The following FOXN3 variants were observed in gnomAD, a reference collection of about 807,000 sequenced individuals.
FOXN3 encodes the protein forkhead box N3, also known as forkhead box protein N3.
In FOXN3, 7 loss-of-function variants were observed where a neutral mutation model predicts 38.4. The ratio of observed to expected loss-of-function variants is 0.18; its 90% CI spans 0.10 to 0.34. FOXN3 has a LOEUF of 0.34. FOXN3 is among the 10% of genes least tolerant of loss of function. The probability of loss-of-function intolerance (pLI) is 1.00; values close to 1 mark genes in which losing one functional copy is unlikely to be tolerated. For synonymous variants in FOXN3, 230 were observed against 242.2 expected (o/e 0.95, Z 0.47); for missense variants, 456 against 613.4 (o/e 0.74, Z 2.71).
At chr14:89,464,080 G>A (rs964652686) in intron 1 of FOXN3, among the ~76,000 whole-genome samples, 7 of 152,024 alleles carry the variant, frequency 4.6e-5, no homozygotes, top group East Asian at 3.8e-4. Flanking sequence ...CACCGCGCCC[G>A]GCCTGGTAGT....
At position 89,523,770 on chromosome 14, in the gene FOXN3, T is replaced by C. The variant is rs552318752; in HGVS notation, c.-15+95258A>G. 9.0e-4 allele frequency among the ~76,000 whole-genome samples: 113 copies of C among 124,978 alleles called. No homozygotes were observed. In the Middle Eastern group the frequency reaches 0.019, roughly 21 times the overall value. 82.0% of individuals were successfully genotyped at this position (124,978 alleles called of 152,430 possible). A position where few individuals can be genotyped will look rare whatever the true frequency, so the allele number is the denominator to read the frequency against. ...TAAATTGAATTTCTTCCTTTCTTTATGTTTTTTTTTGAGACAGAGTCTCGC... is the reference window on the plus strand; with the variant it reads ...TAAATTGAATTTCTTCCTTTCTTTACGTTTTTTTTTGAGACAGAGTCTCGC... On this transcript the variant is annotated intron_variant, in intron 1 of 6. Coordinates refer to the FOXN3 transcript ENST00000345097.
intron 1 of FOXN3, among the ~76,000 whole-genome samples, chr14:89,580,342 G>C (rs17126102): frequency 0.06 from 9,190 of 152,228 alleles, 885 homozygotes; most frequent in African/African-American, 0.21. Flanking sequence ...GGTTTTCCAG[G>C]TACCATGCTG....
In FOXN3 at chr14:89,392,635, G is replaced by A. The variant is rs1204360030; in HGVS notation, c.543+19299C>T. On this transcript the variant is annotated intron_variant, in intron 2 of 5. Transcript: ENST00000557258. ...TCCCCTGCACATGTGTCTGTGTCTC[G>A]TCTTTTTTTTTTTTTTTTTTTTTGA... 1.2e-4 allele frequency among the ~76,000 whole-genome samples: 11 copies of A among 92,150 alleles called. No individual in the cohort carries two copies. The South Asian group carries it at 1.2e-3, about 10-fold the overall frequency. The allele number at this position is 92,150 out of a possible 152,430, so 60.5% of individuals were successfully genotyped here.
At chr14:89,604,733 T>C (rs532874955) in intron 1 of FOXN3, among the ~76,000 whole-genome samples, 3 of 152,300 alleles carry the variant, frequency 2.0e-5, no homozygotes, top group South Asian at 2.1e-4. Flanking sequence ...CTGAACACTT[T>C]ATGATAAAAT....
At chr14:89,297,478 T>G (rs903202640) in intron 3 of FOXN3, among the ~76,000 whole-genome samples, 1 of 148,462 alleles carries the variant, frequency 6.7e-6, no homozygotes. Context: ...GAGAATGGCG[T>G]GAAACTGGGA....
intron 4 of FOXN3, among the ~76,000 whole-genome samples, chr14:89,197,789 C>T (rs1888136192): frequency 6.6e-6 from 1 of 152,188 alleles, no homozygotes; most frequent in Non-Finnish European, 1.5e-5. Context: ...CTGAAGGAAT[C>T]TTTGTAGGAA....
chr14:89,365,821 T>G (rs974296998), intron 2 of FOXN3, among the ~76,000 whole-genome samples: 1 of 152,222 alleles, frequency 6.6e-6, no homozygotes, highest in Non-Finnish European at 1.5e-5. Flanking sequence ...CAATATATTA[T>G]GTGGCATGAA....
At chr14:89,242,116 G>A (rs1416378945) in intron 4 of FOXN3, among the ~76,000 whole-genome samples, 1 of 152,154 alleles carries the variant, frequency 6.6e-6, no homozygotes, top group Non-Finnish European at 1.5e-5. Context: ...ATGCCACAAG[G>A]TGACCACTGA....
chr14:89,603,527 T>C (rs1210709555), intron 1 of FOXN3, among the ~76,000 whole-genome samples: 1 of 152,232 alleles, frequency 6.6e-6, no homozygotes, highest in African/African-American at 2.4e-5. Context: ...TGTACCGTAG[T>C]TGGCCAAAGG....
At chr14:89,215,033 A>G (rs1208471130) in intron 4 of FOXN3, among the ~76,000 whole-genome samples, 1 of 152,214 alleles carries the variant, frequency 6.6e-6, no homozygotes, top group African/African-American at 2.4e-5. Context: ...TTCTATGGAA[A>G]ATATTTTGCA....
chr14:89,372,983 T>A (rs9944024), intron 2 of FOXN3, among the ~76,000 whole-genome samples: 3 of 151,728 alleles, frequency 2.0e-5, no homozygotes, highest in African/African-American at 7.3e-5. Context: ...CTGAGCAACA[T>A]AGGAAAATCC....
chr14:89,455,952 T>C (rs1282337231), intron 1 of FOXN3, among the ~76,000 whole-genome samples: 1 of 152,044 alleles, frequency 6.6e-6, no homozygotes, highest in Non-Finnish European at 1.5e-5. Flanking sequence ...TCCCAGCACT[T>C]TGGGAGGCCA....
chr14:89,560,286 C>A (rs961634384), intron 1 of FOXN3, among the ~76,000 whole-genome samples: 3 of 152,156 alleles, frequency 2.0e-5, no homozygotes, highest in Non-Finnish European at 4.4e-5. Flanking sequence ...TACAGTTCAA[C>A]ATGACATTTG....
chr14:89,183,226 T>C (rs968996093), intron 4 of FOXN3, among the ~76,000 whole-genome samples: 22 of 152,296 alleles, frequency 1.4e-4, no homozygotes, highest in African/African-American at 5.1e-4. Flanking sequence ...ACAGGTTCAG[T>C]TGAATTCTGA....
rs938652930 is a variant in FOXN3 at position 89,161,211 on chromosome 14, A to G, written c.*1203T>C. 1.3e-5 allele frequency: 2 copies of G among 152,514 alleles called. No individual in the cohort carries two copies. The highest frequency in any genetic ancestry group is 4.8e-5 in the African/African-American group (2 of 41,430). The allele number at this position is 152,514 out of a possible 1,614,324, so 9.4% of individuals were successfully genotyped here. ...GCTGGCTATACTGGCTGAATGTGGAAATCACTGATTTTTGCAAAGATAAAT... is the reference window on the plus strand; with the variant it reads ...GCTGGCTATACTGGCTGAATGTGGAGATCACTGATTTTTGCAAAGATAAAT... On this transcript the variant is annotated 3_prime_UTR_variant, in exon 6 of 6. Coordinates refer to ENST00000557258, the MANE Select transcript of FOXN3 (RefSeq NM_005197.4).
chr14:89,490,307 A>T (rs1004024419), intron 1 of FOXN3, among the ~76,000 whole-genome samples: 1 of 152,198 alleles, frequency 6.6e-6, no homozygotes, highest in Non-Finnish European at 1.5e-5. Context: ...CAATGATATC[A>T]GCGTTTAGCA....
Position 89,261,628 on chromosome 14 carries a change from T to C in FOXN3, c.745+19322A>G, listed in dbSNP as rs1348371327. On this transcript the variant is annotated intron_variant, in intron 4 of 5. Coordinates refer to ENST00000557258, the MANE Select transcript of FOXN3 (RefSeq NM_005197.4). Reference sequence around the variant, plus strand: ...AGCCAACAGGGTGAAACCCTGTCTGTACTAAAAATACAAAAATTAGGCCAG... The same window carrying C: ...AGCCAACAGGGTGAAACCCTGTCTGCACTAAAAATACAAAAATTAGGCCAG... Among the ~76,000 whole-genome samples the C allele has an allele frequency of 3.9e-5, 6 of 152,102 alleles. No individual in the cohort carries two copies. The East Asian group carries it at 1.2e-3, about 29-fold the overall frequency.
intron 1 of FOXN3, among the ~76,000 whole-genome samples, chr14:89,565,502 C>T (rs550826677): frequency 2.0e-5 from 3 of 152,312 alleles, no homozygotes; most frequent in African/African-American, 7.2e-5. Flanking sequence ...AGGCTCCCTT[C>T]TGCAATCCCT....
At chr14:89,291,022 C>G in intron 3 of FOXN3, 1 of 463,232 alleles carries the variant, frequency 2.2e-6, no homozygotes, top group South Asian at 1.6e-5. Flanking sequence ...TGCTCCTTGA[C>G]TCATGCTTGA....
Sources: allele counts gnomAD v4.1 joint callset (sites outside exome capture counted in the v4.1 genomes callset), GRCh38; gene constraint gnomAD v4.1.1; transcripts MANE v1.5; gene names NCBI Gene and HGNC (gene_info 2026-07-23, HGNC 2026-07-21).